Variants in OXNAD1 observed in about 807,000 individuals in gnomAD.
OXNAD1 encodes oxidoreductase NAD binding domain containing 1.
Under a neutral mutation model 32.9 loss-of-function variants are expected in OXNAD1, and 34 were observed. The ratio of observed to expected loss-of-function variants is 1.03; its 90% CI spans 0.79 to 1.38. The LOEUF (loss-of-function observed/expected upper bound fraction) is 1.38, where lower values mean the gene tolerates loss of function less well. OXNAD1 is among the 40% of genes most tolerant of loss of function. OXNAD1 has a pLI of 0.00. For missense variants in OXNAD1, 407 were observed against 379.4 expected (o/e 1.07, Z -0.60); for synonymous variants, 134 against 135.2 (o/e 0.99, Z 0.06).
intron 9 of OXNAD1, among the ~76,000 whole-genome samples, chr3:16,324,613 A>AACCC (rs1553718056): frequency 2.2e-5 from 2 of 90,828 alleles, no homozygotes; most frequent in African/African-American, 8.9e-5. Context: ...AATGTCCCTG[A>AACCC]CCCCCCCCCT....
chr3:16,276,515 ATTTTT>A (rs35338490), intron 4 of OXNAD1: 193 of 143,616 alleles, frequency 1.3e-3, no homozygotes, highest in Admixed American at 1.9e-3. Context: ...CAATCTTGCT[ATTTTT>A]TTTTTTTTTT....
At chr3:16,331,962 A>G (rs2070360315) in intron 9 of OXNAD1, among the ~76,000 whole-genome samples, 3 of 152,242 alleles carry the variant, frequency 2.0e-5, no homozygotes, top group Admixed American at 1.3e-4. Flanking sequence ...AGATGTCAGC[A>G]ATGCTATTGA....
intron 4 of OXNAD1, among the ~76,000 whole-genome samples, chr3:16,273,841 C>CT (rs1458475974): frequency 6.6e-6 from 1 of 152,112 alleles, no homozygotes; most frequent in Non-Finnish European, 1.5e-5. Context: ...ACCACAAAGT[C>CT]TTTTACATTT....
chr3:16,294,561 T>C (rs925877686), intron 5 of OXNAD1, among the ~76,000 whole-genome samples: 2 of 152,228 alleles, frequency 1.3e-5, no homozygotes, highest in African/African-American at 2.4e-5. Context: ...CTCAATCCTT[T>C]AACTTGTTAT....
chr3:16,308,447 C>G (rs906240545), downstream of OXNAD1, among the ~76,000 whole-genome samples: 1 of 152,074 alleles, frequency 6.6e-6, no homozygotes, highest in Admixed American at 6.5e-5. This position sits in a 1 kb window ranked among gnomAD's most constrained non-coding sequence, Gnocchi z 4.4. Context: ...TGTCTTGTTG[C>G]TCCTATTTTT....
In OXNAD1 at chr3:16,269,219, T is replaced by G. The variant is rs1288422952; in HGVS notation, c.-65T>G. ...CAGTGTAATAGCAGGACCAAAATAT[T>G]CTGTCAATCAGCTGACCATATACTT... On this transcript the variant is annotated 5_prime_UTR_variant, in exon 2 of 9. The change creates a new upstream start codon in the 5' untranslated region. Transcript: ENST00000285083. 5.9e-6 allele frequency: 9 copies of G among 1,534,434 alleles called. No homozygotes were observed. In the East Asian group the frequency reaches 2.0e-4, roughly 33 times the overall value.
Position 16,329,155 on chromosome 3 carries a change from C to A in OXNAD1, c.*31-7957C>A, listed in dbSNP as rs1411450357. ...CTACAAGTTCAGTCTCCTGCTCTCT[C>A]CCCTCTTTTCTGCGCTTCCGCCTCG... On this transcript the variant is annotated intron_variant, in intron 9 of 9. Coordinates refer to the OXNAD1 transcript ENST00000435829. The surrounding 1 kb of genome is among the most constrained non-coding windows in gnomAD (Gnocchi z 4.5). Among the ~76,000 whole-genome samples the A allele has an allele frequency of 6.6e-6, 1 of 152,222 alleles. No homozygotes were observed. The highest frequency in any genetic ancestry group is 2.4e-5 in the African/African-American group (1 of 41,456).
At chr3:16,268,100 G>A (rs746980308) in intron 1 of OXNAD1, among the ~76,000 whole-genome samples, 1 of 152,046 alleles carries the variant, frequency 6.6e-6, no homozygotes, top group Non-Finnish European at 1.5e-5. Flanking sequence ...ATCTGCTGTG[G>A]TTGATTAAAT....
At position 16,303,494 on chromosome 3, in the gene OXNAD1, T is replaced by C. The variant is rs2067331226; in HGVS notation, c.871T>C (p.Phe291Leu). The C allele has an allele frequency of 6.2e-7, 1 of 1,613,984 alleles. No homozygotes were observed. The highest frequency in any genetic ancestry group is 2.2e-5 in the East Asian group (1 of 44,858). The change falls in exon 9 of 9, where the codon TTT becomes CTT. Residue 291 changes from phenylalanine to leucine, a missense_variant. Phe to Leu is a conservative substitution (Grantham distance 22). Coordinates refer to ENST00000285083, the MANE Select transcript of OXNAD1 (RefSeq NM_138381.5). The surrounding 1 kb of genome is among the most constrained non-coding windows in gnomAD (Gnocchi z 4.8). Reference sequence around the variant, plus strand: ...TTGTGGCCCACCTCCAATGACAGACTTTTTCTCCAAGCAACTGGAAAACAA... The same window carrying C: ...TTGTGGCCCACCTCCAATGACAGACCTTTTCTCCAAGCAACTGGAAAACAA... ...YICGPPPMTD[F>L]FSKQLENNHV...
At chr3:16,333,972 G>T (rs1444966912) in intron 9 of OXNAD1, among the ~76,000 whole-genome samples, 9 of 151,984 alleles carry the variant, frequency 5.9e-5, no homozygotes, top group Admixed American at 5.9e-4. Context: ...GAGACCATCC[G>T]GGCTAACACG....
intron 9 of OXNAD1, among the ~76,000 whole-genome samples, chr3:16,318,685 T>C (rs189592613): frequency 6.6e-6 from 1 of 152,318 alleles, no homozygotes; most frequent in East Asian, 1.9e-4. Flanking sequence ...GAAACATGAG[T>C]GAAATACATG....
chr3:16,315,695 C>G (rs1258096579), intron 9 of OXNAD1: 1 of 152,242 alleles, frequency 6.6e-6, no homozygotes, highest in African/African-American at 2.4e-5. Context: ...GCCTAGCTGG[C>G]TCTGCAGCTT....
chr3:16,305,517 GA>G lies in OXNAD1; in HGVS notation c.*1957del, dbSNP rs2125107718. 2 of 152,364 alleles carry G rather than the reference GA, an allele frequency of 1.3e-5. No individual in the cohort carries two copies. Among genetic ancestry groups the G allele is most frequent in the African/African-American group, 4.8e-5 (2 of 41,562 alleles). The allele number at this position is 152,364 out of a possible 1,614,324, so 9.4% of individuals were successfully genotyped here. On this transcript the variant is annotated 3_prime_UTR_variant, in exon 9 of 9. Coordinates refer to ENST00000285083, the MANE Select transcript of OXNAD1 (RefSeq NM_138381.5). This position sits in a 1 kb window ranked among gnomAD's most constrained non-coding sequence, Gnocchi z 4.5. ...CATTATTCTGGTGCTAAGTGCTGAA[GA>G]ACATTTTCAGGTCTAGCCGAGAATG...
chr3:16,319,253 T>A (rs2068776924), intron 9 of OXNAD1, among the ~76,000 whole-genome samples: 1 of 152,330 alleles, frequency 6.6e-6, no homozygotes, highest in East Asian at 1.9e-4. Context: ...CGAGAGGCAG[T>A]TGGCTCTCAG....
At chr3:16,341,254 T>TA (rs908885680), downstream of OXNAD1, among the ~76,000 whole-genome samples, 2 of 152,222 alleles carry the variant, frequency 1.3e-5, no homozygotes, top group African/African-American at 4.8e-5. The surrounding 1 kb of genome is among the most constrained non-coding windows in gnomAD (Gnocchi z 4.7). Flanking sequence ...GGCAGTTTCT[T>TA]ACAAAACTAG....
rs1287165953 is a variant in OXNAD1, at chr3:16,302,810, G to GT, written c.784+64dup. The GT allele has an allele frequency of 1.4e-5, 17 of 1,251,420 alleles. No individual in the cohort carries two copies. The highest frequency in any genetic ancestry group is 1.8e-5 in the Non-Finnish European group (16 of 868,018). The allele number at this position is 1,251,420 out of a possible 1,614,324, so 77.5% of individuals were successfully genotyped here. ...AGTTATTTGATGGACACACCAGTTG[G>GT]TTGAGCGTAGATGCTTTATTGTTGG... is the stretch of plus-strand genomic sequence containing the variant. On this transcript the variant is annotated intron_variant, in intron 8 of 8. Transcript: ENST00000285083. The surrounding 1 kb of genome is among the most constrained non-coding windows in gnomAD (Gnocchi z 4.2).
At position 16,288,268 on chromosome 3, in the gene OXNAD1, G is replaced by A. The variant is rs1171073476; in HGVS notation, c.290+1820G>A. ...AGAGGGCAAGGATTAGGGATAGGAA[G>A]TGAGGATGTGGCTGCCATGCAGTTT... On this transcript the variant is annotated intron_variant, in intron 5 of 8. Transcript: ENST00000285083. The surrounding 1 kb of genome is among the most constrained non-coding windows in gnomAD (Gnocchi z 5.1). Among the ~76,000 whole-genome samples the A allele has an allele frequency of 6.6e-6, 1 of 152,192 alleles. No homozygotes were observed. The highest frequency in any genetic ancestry group is 2.4e-5 in the African/African-American group (1 of 41,444).
In OXNAD1 at chr3:16,298,032, T is replaced by TG. The variant is rs2066921332; in HGVS notation, c.432+3035_432+3036insG. 1.3e-5 allele frequency among the ~76,000 whole-genome samples: 2 copies of TG among 152,200 alleles called. No individual in the cohort carries two copies. The highest frequency in any genetic ancestry group is 4.8e-5 in the African/African-American group (2 of 41,440). On this transcript the variant is annotated intron_variant, in intron 6 of 8. Coordinates refer to ENST00000285083, the MANE Select transcript of OXNAD1 (RefSeq NM_138381.5). This position sits in a 1 kb window ranked among gnomAD's most constrained non-coding sequence, Gnocchi z 5.1. ...GGAGCAACATAATATATTCTTGTGG[T>TG]TTACACGTCAAGTTGTGTCTGTCCA...
In OXNAD1 at chr3:16,304,942, AT is replaced by A. The variant is rs2067440420; in HGVS notation, c.*1384del. On this transcript the variant is annotated 3_prime_UTR_variant, in exon 9 of 9. Coordinates refer to ENST00000285083, the MANE Select transcript of OXNAD1 (RefSeq NM_138381.5). This position sits in a 1 kb window ranked among gnomAD's most constrained non-coding sequence, Gnocchi z 4.6. ...TTTAAGCAGAGATCATTTGTCAACT[AT>A]TTTGATCCCAGATTTGAATTTGGGG... 6.6e-6 allele frequency: 1 copy of A among 152,212 alleles called. No individual in the cohort carries two copies. Among genetic ancestry groups the A allele is most frequent in the African/African-American group, 2.4e-5 (1 of 41,430 alleles). 9.4% of individuals were successfully genotyped at this position (152,212 alleles called of 1,614,324 possible). A position where few individuals can be genotyped will look rare whatever the true frequency, so the allele number is the denominator to read the frequency against.
Sources: allele counts gnomAD v4.1 joint callset (sites outside exome capture counted in the v4.1 genomes callset), GRCh38; gene constraint gnomAD v4.1.1; non-coding constraint Gnocchi (gnomAD v3.1); transcripts MANE v1.5; gene names NCBI Gene and HGNC (gene_info 2026-07-23, HGNC 2026-07-21).